The following PLEKHG3 variants were observed in gnomAD, a reference collection of about 807,000 sequenced individuals.
PLEKHG3 encodes pleckstrin homology domain-containing family G member 3.
In PLEKHG3, 62 loss-of-function variants were observed where a neutral mutation model predicts 94.9. That is an observed-to-expected ratio of 0.65 (90% CI 0.53 to 0.81). PLEKHG3 has a LOEUF of 0.81. PLEKHG3 is among the 30% of genes least tolerant of loss of function. The pLI is 0.00. For synonymous variants in PLEKHG3, 614 were observed against 654.0 expected, an observed-to-expected ratio of 0.94 and a Z score of 0.93; for missense variants, 1,461 against 1,619.3, an observed-to-expected ratio of 0.90 and a Z score of 1.68.
At position 64,738,270 on chromosome 14, in the gene PLEKHG3, G is replaced by T. The variant is rs1013896916; in HGVS notation, c.1405-472G>T. On this transcript the variant is annotated intron_variant, in intron 14 of 16. Transcript: ENST00000247226. This position sits in a 1 kb window ranked among gnomAD's most constrained non-coding sequence, Gnocchi z 4.8. The stretch of plus-strand genomic sequence containing the variant: ...CCCCTCCTCCTTGCATGCTCCCTGG[G>T]ATGTGCATGCCCACCCGAGGGCCCC... 1.6e-5 allele frequency: 19 copies of T among 1,205,764 alleles called. No homozygotes were observed. Among genetic ancestry groups the T allele is most frequent in the Non-Finnish European group, 2.1e-5 (19 of 916,418 alleles). 74.7% of individuals were successfully genotyped at this position (1,205,764 alleles called of 1,614,324 possible).
At position 64,747,250 on chromosome 14, in the gene PLEKHG3, G is replaced by GAAAC. The variant is rs2081861124; in HGVS notation, c.*3549_*3552dup. On this transcript the variant is annotated 3_prime_UTR_variant, in exon 17 of 17. Coordinates refer to ENST00000247226, the MANE Select transcript of PLEKHG3 (RefSeq NM_001308147.2). ...TAGGCTCCCTAAAGACTGGCCCAGGGAAACAGTTGAGGGAGATGTTTGCCA... is the reference window on the plus strand; with the variant it reads ...TAGGCTCCCTAAAGACTGGCCCAGGGAAACAAACAGTTGAGGGAGATGTTTGCCA... 6.6e-6 allele frequency: 1 copy of GAAAC among 152,514 alleles called. No individual in the cohort carries two copies. The highest frequency in any genetic ancestry group is 2.1e-4 in the South Asian group (1 of 4,834). The allele number at this position is 152,514 out of a possible 1,614,324, so 9.4% of individuals were successfully genotyped here. A position where few individuals can be genotyped will look rare whatever the true frequency, so the allele number is the denominator to read the frequency against.
At position 64,718,767 on chromosome 14, in the gene PLEKHG3, C is replaced by T. The variant is rs1297336048; in HGVS notation, c.-39-8826C>T. Among the ~76,000 whole-genome samples the T allele has an allele frequency of 6.6e-6, 1 of 152,072 alleles. No individual in the cohort carries two copies. The highest frequency in any genetic ancestry group is 2.4e-5 in the African/African-American group (1 of 41,392). On this transcript the variant is annotated intron_variant, in intron 1 of 16. Transcript: ENST00000247226. This position sits in a 1 kb window ranked among gnomAD's most constrained non-coding sequence, Gnocchi z 5.0. The stretch of plus-strand genomic sequence containing the variant: ...GAATGGGTCCGCACTAGAGCCTTTC[C>T]CAGTACCTTGCTGTTTTGTCTTATG...
Position 64,716,930 on chromosome 14 carries a change from C to CCT in PLEKHG3, c.-39-10662_-39-10661insTC, listed in dbSNP as rs535480819. Among the ~76,000 whole-genome samples, 387 of 152,310 alleles carry CCT rather than the reference C, an allele frequency of 2.5e-3. 1 individual carries two copies. Among genetic ancestry groups the CCT allele is most frequent in the Admixed American group, 3.9e-3 (60 of 15,292 alleles). On this transcript the variant is annotated intron_variant, in intron 1 of 16. Coordinates refer to ENST00000247226, the MANE Select transcript of PLEKHG3 (RefSeq NM_001308147.2). The surrounding 1 kb of genome is among the most constrained non-coding windows in gnomAD (Gnocchi z 5.0). The stretch of plus-strand genomic sequence containing the variant: ...GAGGCAGGAAGTGCCCCTCCTCTAC[C>CCT]CAGGAACTGGTTGGATGAGTTTCTT...
rs1182986301 is a variant in PLEKHG3 at position 64,743,167 on chromosome 14, A to G, written c.3124A>G (p.Thr1042Ala). The G allele has an allele frequency of 6.2e-7, 1 of 1,610,668 alleles. No homozygotes were observed. The highest frequency in any genetic ancestry group is 1.3e-5 in the African/African-American group (1 of 74,818). ...RPSARSPLSP[T>A]ETFSWPDVRE... Reference sequence around the variant, plus strand: ...CTCCGCCCGGAGCCCCCTCAGCCCCACAGAGACCTTCAGCTGGCCCGACGT... The same window carrying G: ...CTCCGCCCGGAGCCCCCTCAGCCCCGCAGAGACCTTCAGCTGGCCCGACGT... The change falls in exon 17 of 17, where the codon ACA becomes GCA. Residue 1042 changes from threonine (T) to alanine (A), a missense_variant. By Grantham distance (58) the Thr-to-Ala change is moderately conservative (BLOSUM62 0). This residue lies in a region of PLEKHG3 where 1,201 missense variants were observed against 1,295.5 expected (regional missense o/e 0.93). Coordinates refer to ENST00000247226, the MANE Select transcript of PLEKHG3 (RefSeq NM_001308147.2). The surrounding 1 kb of genome is among the most constrained non-coding windows in gnomAD (Gnocchi z 7.2).
rs1342105812 is a variant in PLEKHG3 at position 64,715,257 on chromosome 14, A to G, written c.-40+10553A>G. 6.6e-6 allele frequency among the ~76,000 whole-genome samples: 1 copy of G among 152,184 alleles called. No individual in the cohort carries two copies. The highest frequency in any genetic ancestry group is 1.5e-5 in the Non-Finnish European group (1 of 68,038). On this transcript the variant is annotated intron_variant, in intron 1 of 16. Coordinates refer to ENST00000247226, the MANE Select transcript of PLEKHG3 (RefSeq NM_001308147.2). The surrounding 1 kb of genome is among the most constrained non-coding windows in gnomAD (Gnocchi z 4.4). ...GTGCATGAGAGCATTCCTATGAGGTAGGGTGAGAGATGGCCTTCTTGGCTT... is the reference window on the plus strand; with the variant it reads ...GTGCATGAGAGCATTCCTATGAGGTGGGGTGAGAGATGGCCTTCTTGGCTT...
Position 64,722,668 on chromosome 14 carries a change from G to A in PLEKHG3, c.-39-4925G>A, listed in dbSNP as rs1004461541. Reference sequence around the variant, plus strand: ...GGTGTGGCTTCTCATTCTTGAGTGTGGGGTGAAGGGCAGTGGATGAAATGA... The same window carrying A: ...GGTGTGGCTTCTCATTCTTGAGTGTAGGGTGAAGGGCAGTGGATGAAATGA... On this transcript the variant is annotated intron_variant, in intron 1 of 16. Transcript: ENST00000247226. The surrounding 1 kb of genome is among the most constrained non-coding windows in gnomAD (Gnocchi z 4.3). Among the ~76,000 whole-genome samples, 43 of 152,156 alleles carry A rather than the reference G, an allele frequency of 2.8e-4. No individual in the cohort carries two copies. The highest frequency in any genetic ancestry group is 1.0e-3 in the African/African-American group (43 of 41,424).
chr14:64,743,295 G>A lies in PLEKHG3; in HGVS notation c.3252G>A (p.Glu1084=). 4.4e-6 allele frequency: 7 copies of A among 1,608,278 alleles called. No individual in the cohort carries two copies. The highest frequency in any genetic ancestry group is 5.9e-6 in the Non-Finnish European group (7 of 1,179,046). ...PPVNRSHSVP[E]NMVEPPLSGR... Reference sequence around the variant, plus strand: ...TCAACAGGAGCCACTCGGTGCCGGAGAACATGGTAGAGCCACCTCTGTCGG... The same window carrying A: ...TCAACAGGAGCCACTCGGTGCCGGAAAACATGGTAGAGCCACCTCTGTCGG... The change falls in exon 17 of 17, where the codon GAG becomes GAA. Residue 1084 remains glutamate, a synonymous_variant. Transcript: ENST00000247226. The surrounding 1 kb of genome is among the most constrained non-coding windows in gnomAD (Gnocchi z 7.2).
chr14:64,730,531 T>C lies in PLEKHG3; in HGVS notation c.520-111T>C. 2.2e-6 allele frequency: 2 copies of C among 908,874 alleles called. No individual in the cohort carries two copies. Among genetic ancestry groups the C allele is most frequent in the Non-Finnish European group, 3.6e-6 (2 of 563,234 alleles). The allele number at this position is 908,874 out of a possible 1,614,324, so 56.3% of individuals were successfully genotyped here. On this transcript the variant is annotated intron_variant, in intron 4 of 16. Transcript: ENST00000247226. The surrounding 1 kb of genome is among the most constrained non-coding windows in gnomAD (Gnocchi z 5.4). Reference sequence around the variant, plus strand: ...GGTATAAAGATGGCTCTGTAGGCATTTGGGAACAGGGGACAGAGGGTGCTC... The same window carrying C: ...GGTATAAAGATGGCTCTGTAGGCATCTGGGAACAGGGGACAGAGGGTGCTC...
rs1566721888 is a variant in PLEKHG3, at chr14:64,743,725, G to A, written c.*22G>A. 1 of 1,516,408 alleles carries A rather than the reference G, an allele frequency of 6.6e-7. No homozygotes were observed. Among genetic ancestry groups the A allele is most frequent in the Admixed American group, 2.0e-5 (1 of 48,964 alleles). 93.9% of individuals were successfully genotyped at this position (1,516,408 alleles called of 1,614,324 possible). A position where few individuals can be genotyped will look rare whatever the true frequency, so the allele number is the denominator to read the frequency against. On this transcript the variant is annotated 3_prime_UTR_variant, in exon 17 of 17. Transcript: ENST00000247226. The surrounding 1 kb of genome is among the most constrained non-coding windows in gnomAD (Gnocchi z 7.2). ...TTGATGCTGACTCCTGGGGGAGGGAGGAGTCATGTTGGAGGTTGGGGAAGA... is the reference window on the plus strand; with the variant it reads ...TTGATGCTGACTCCTGGGGGAGGGAAGAGTCATGTTGGAGGTTGGGGAAGA...
Position 64,750,171 on chromosome 14 carries a change from A to G in PLEKHG3, c.*6468A>G, listed in dbSNP as rs1453306229. ...TTCCAGGACCTGCAAAGATGCAGAC[A>G]GGCAGGTCACCCACATCCTGATATG... is the stretch of plus-strand genomic sequence containing the variant. On this transcript the variant is annotated 3_prime_UTR_variant, in exon 17 of 17. Coordinates refer to ENST00000247226, the MANE Select transcript of PLEKHG3 (RefSeq NM_001308147.2). The G allele has an allele frequency of 6.2e-7, 1 of 1,608,764 alleles. No homozygotes were observed. The highest frequency in any genetic ancestry group is 1.1e-5 in the South Asian group (1 of 90,958).
chr14:64,740,969 C>T, intron 15 of PLEKHG3, 67 bp from the exon 16 acceptor site: 5 of 1,326,018 alleles, frequency 3.8e-6, no homozygotes. Context: ...GCCATGCTGT[C>T]CCCTTGTTCC....
At chr14:64,711,417 T>G (rs1566690476) in intron 1 of PLEKHG3, among the ~76,000 whole-genome samples, 1 of 149,338 alleles carries the variant, frequency 6.7e-6, no homozygotes, top group Non-Finnish European at 1.5e-5. Context: ...GCTTTTTTTT[T>G]GTTTTTTTTT....
chr14:64,710,996 T>TA (rs906514541), intron 1 of PLEKHG3, among the ~76,000 whole-genome samples: 1 of 152,202 alleles, frequency 6.6e-6, no homozygotes, highest in African/African-American at 2.4e-5. Context: ...AACGGATTTT[T>TA]AAAAGATTCC....
chr14:64,708,693 A>C (rs1221440712), intron 1 of PLEKHG3, among the ~76,000 whole-genome samples: 1 of 152,124 alleles, frequency 6.6e-6, no homozygotes, highest in Non-Finnish European at 1.5e-5. Context: ...GGTTTAATCT[A>C]AAGTACCGCT....
Position 64,743,283 on chromosome 14 carries a change from C to T in PLEKHG3, c.3240C>T (p.His1080=), listed in dbSNP as rs753743272. ...RPRGPPVNRS[H]SVPENMVEPP... is the part of the protein sequence containing the mutation. The stretch of plus-strand genomic sequence containing the variant: ...GCGGCCCACCCGTCAACAGGAGCCA[C>T]TCGGTGCCGGAGAACATGGTAGAGC... The change falls in exon 17 of 17, where the codon CAC becomes CAT. Residue 1080 remains histidine (H), a synonymous_variant. Transcript: ENST00000247226. The surrounding 1 kb of genome is among the most constrained non-coding windows in gnomAD (Gnocchi z 7.2). The T allele has an allele frequency of 5.0e-6, 8 of 1,607,762 alleles. No homozygotes were observed. The highest frequency in any genetic ancestry group is 6.8e-6 in the Non-Finnish European group (8 of 1,179,008).
At chr14:64,708,260 CT>C (rs954609585) in intron 1 of PLEKHG3, among the ~76,000 whole-genome samples, 6 of 152,176 alleles carry the variant, frequency 3.9e-5, no homozygotes, top group Non-Finnish European at 1.5e-5. Context: ...CCCTCTTGCT[CT>C]GGAATTCCCC....
chr14:64,743,994 A>G lies in PLEKHG3; in HGVS notation c.*291A>G, dbSNP rs533339542. On this transcript the variant is annotated 3_prime_UTR_variant, in exon 17 of 17. Transcript: ENST00000247226. This position sits in a 1 kb window ranked among gnomAD's most constrained non-coding sequence, Gnocchi z 7.2. The stretch of plus-strand genomic sequence containing the variant: ...CAAATATTTAAGCTCACTTCTTCCC[A>G]GAGAGAGGAAGCTCTGCTCAGGCCT... 16 of 261,888 alleles carry G rather than the reference A, an allele frequency of 6.1e-5. No individual in the cohort carries two copies. The highest frequency in any genetic ancestry group is 4.6e-4 in the South Asian group (5 of 10,906). 16.2% of individuals were successfully genotyped at this position (261,888 alleles called of 1,614,324 possible). A position where few individuals can be genotyped will look rare whatever the true frequency, so the allele number is the denominator to read the frequency against.
chr14:64,741,362 G>A lies in PLEKHG3; in HGVS notation c.1845G>A (p.Arg615=). ...IAERFVSSFS[R]RSSVAQEDSK... is the part of the protein sequence containing the mutation. ...AGCGATTTGTCAGCAGCTTCTCTCG[G>A]CGGAGCAGCGTGGCACAGGAGGACA... The change falls in exon 16 of 17, where the codon CGG becomes CGA. Residue 615 remains arginine (R), a synonymous_variant. Transcript: ENST00000247226. 6.2e-7 allele frequency: 1 copy of A among 1,613,500 alleles called. No homozygotes were observed. Among genetic ancestry groups the A allele is most frequent in the East Asian group, 2.2e-5 (1 of 44,882 alleles).
chr14:64,749,239 GAGGCCA>G lies in PLEKHG3; in HGVS notation c.*5542_*5547del, dbSNP rs1253763156. 1 of 1,522,948 alleles carries G rather than the reference GAGGCCA, an allele frequency of 6.6e-7. No individual in the cohort carries two copies. The highest frequency in any genetic ancestry group is 8.8e-7 in the Non-Finnish European group (1 of 1,136,108). The allele number at this position is 1,522,948 out of a possible 1,614,324, so 94.3% of individuals were successfully genotyped here. A position where few individuals can be genotyped will look rare whatever the true frequency, so the allele number is the denominator to read the frequency against. ...TTCGACCGGCGGGCGGCGGCGAGAG[GAGGCCA>G]AGGCCTGGGCTGCCCGGTCTCTGCG... On this transcript the variant is annotated 3_prime_UTR_variant, in exon 17 of 17. Transcript: ENST00000247226. This position sits in a 1 kb window ranked among gnomAD's most constrained non-coding sequence, Gnocchi z 4.7.
Sources: gnomAD v4.1 joint callset for allele counts (sites outside exome capture counted in the v4.1 genomes callset) on GRCh38, gnomAD v4.1.1 for gene constraint, gnomAD v4.1.1 regional missense constraint, Gnocchi (gnomAD v3.1) non-coding constraint, MANE v1.5 for transcripts, NCBI Gene and HGNC (gene_info 2026-07-23, HGNC 2026-07-21) for gene names.